Variants in CCDC102B observed in about 807,000 individuals in gnomAD.
CCDC102B encodes coiled-coil domain-containing protein 102B.
A neutral mutation model predicts 57.4 loss-of-function variants in CCDC102B; 75 were observed. The ratio of observed to expected loss-of-function variants is 1.31; its 90% confidence interval spans 1.08 to 1.58. The LOEUF (loss-of-function observed/expected upper bound fraction) is 1.58, where lower values mean the gene tolerates loss of function less well. Among genes scored for constraint, CCDC102B ranks in the 40% most tolerant of loss-of-function variants. CCDC102B has a pLI of 0.00. For synonymous variants in CCDC102B, 206 were observed against 201.9 expected, an observed-to-expected ratio of 1.02 and a Z score of -0.17; for missense variants, 636 against 582.6, an observed-to-expected ratio of 1.09 and a Z score of -0.94.
chr18:69,020,211 A>C (rs543633516), intron 7 of CCDC102B, among the ~76,000 whole-genome samples: 8 of 152,276 alleles, frequency 5.3e-5, no homozygotes, highest in African/African-American at 1.9e-4. Flanking sequence ...TATTATTCAC[A>C]AACAAAACTG....
At chr18:68,806,934 C>G (rs1202748233) in intron 1 of CCDC102B, among the ~76,000 whole-genome samples, 1 of 152,130 alleles carries the variant, frequency 6.6e-6, no homozygotes, top group Non-Finnish European at 1.5e-5. Context: ...TGATAGGTGA[C>G]TACCATTTAA....
intron 6 of CCDC102B, among the ~76,000 whole-genome samples, chr18:68,981,839 T>C (rs1199366778): frequency 2.0e-5 from 3 of 151,746 alleles, no homozygotes; most frequent in African/African-American, 4.8e-5. Flanking sequence ...CAACAGGCGG[T>C]GTTGGGTTTT....
At chr18:68,952,236 A>G (rs763063585) in intron 6 of CCDC102B, among the ~76,000 whole-genome samples, 10 of 152,042 alleles carry the variant, frequency 6.6e-5, no homozygotes, top group Non-Finnish European at 1.2e-4. Context: ...TTCAAATTAT[A>G]TAAATTTAAA....
chr18:68,978,936 A>G (rs73467643), intron 6 of CCDC102B, among the ~76,000 whole-genome samples: 7,044 of 152,128 alleles, frequency 0.046, 234 homozygotes, highest in East Asian at 0.12. Context: ...TCCACCTCAG[A>G]TATATAATGT....
chr18:69,040,761 ATC>A (rs1245295372), intron 7 of CCDC102B, among the ~76,000 whole-genome samples: 2 of 152,064 alleles, frequency 1.3e-5, no homozygotes, highest in African/African-American at 2.4e-5. Context: ...GACAAAATTA[ATC>A]TCTGTGTTTT....
At chr18:68,794,558 T>C (rs1418951042), upstream of CCDC102B, among the ~76,000 whole-genome samples, 3 of 152,056 alleles carry the variant, frequency 2.0e-5, no homozygotes, top group African/African-American at 7.2e-5. Flanking sequence ...ATATGTAGAA[T>C]GAAACTGGAA....
intron 6 of CCDC102B, among the ~76,000 whole-genome samples, chr18:68,941,221 G>A (rs1367721182): frequency 7.4e-5 from 11 of 148,802 alleles, no homozygotes; most frequent in Non-Finnish European, 3.0e-5. Context: ...AAAGAGGTGG[G>A]GAAAATGAAA....
At chr18:68,905,795 T>A (rs1161327369) in intron 6 of CCDC102B, among the ~76,000 whole-genome samples, 1 of 128,838 alleles carries the variant, frequency 7.8e-6, no homozygotes, top group Non-Finnish European at 1.6e-5. Context: ...TTTTTTTTTT[T>A]TTTTTTTTTT....
intron 7 of CCDC102B, among the ~76,000 whole-genome samples, chr18:69,053,167 T>C (rs1459982147): frequency 6.6e-6 from 1 of 151,768 alleles, no homozygotes; most frequent in Non-Finnish European, 1.5e-5. Flanking sequence ...AGTGCTATAA[T>C]AGAGAGGACA....
At chr18:68,879,904 C>G (rs993535291) in intron 5 of CCDC102B, among the ~76,000 whole-genome samples, 1 of 152,234 alleles carries the variant, frequency 6.6e-6, no homozygotes, top group African/African-American at 2.4e-5. Context: ...TCCACGTCCC[C>G]ACCAGACTCA....
intron 2 of CCDC102B, among the ~76,000 whole-genome samples, chr18:68,786,340 GTAGTTTTTTCCAA>G (rs1384341488): frequency 7.0e-6 from 1 of 143,512 alleles, no homozygotes; most frequent in African/African-American, 2.6e-5. Context: ...GAACTTTAAA[GTAGTTTTTTCCAA>G]TTCTGTGAAG....
intron 6 of CCDC102B, among the ~76,000 whole-genome samples, chr18:68,932,684 T>G (rs2041715869): frequency 6.6e-6 from 1 of 151,962 alleles, no homozygotes; most frequent in Non-Finnish European, 1.5e-5. Flanking sequence ...GAGAAGATAC[T>G]AAACAAAACA....
intron 1 of CCDC102B, among the ~76,000 whole-genome samples, chr18:68,835,111 A>G (rs1418061357): frequency 1.3e-5 from 2 of 152,156 alleles, no homozygotes; most frequent in African/African-American, 2.4e-5. Context: ...TCTACTTACT[A>G]TATTCTCAAT....
chr18:68,788,955 C>T (rs1466874209), intron 2 of CCDC102B, among the ~76,000 whole-genome samples: 1 of 152,192 alleles, frequency 6.6e-6, no homozygotes, highest in African/African-American at 2.4e-5. Context: ...CATGATTTTG[C>T]AGCGGCTGGT....
At chr18:69,004,046 GAGTACAATATCGTGGGTTC>G (rs1241300706) in intron 6 of CCDC102B, among the ~76,000 whole-genome samples, 1 of 152,154 alleles carries the variant, frequency 6.6e-6, no homozygotes, top group African/African-American at 2.4e-5. Flanking sequence ...CTGAATTACA[GAGTACAATATCGTGGGTTC>G]ACACAGTTTT....
At chr18:68,823,427 T>TACCACATTTCTTTATCCAATCC (rs1406164600) in intron 1 of CCDC102B, 5 of 152,222 alleles carry the variant, frequency 3.3e-5, no homozygotes, top group Non-Finnish European at 7.3e-5. Flanking sequence ...GTAACTTATG[T>TACCACATTTCTTTATCCAATCC]ACCACATTTC....
At chr18:68,961,180 G>C (rs2050039241) in intron 6 of CCDC102B, among the ~76,000 whole-genome samples, 2 of 151,990 alleles carry the variant, frequency 1.3e-5, no homozygotes, top group Non-Finnish European at 1.5e-5. Context: ...CATTTTCAGA[G>C]TATTAGCTTT....
At chr18:69,017,001 G>A (rs957920909) in intron 7 of CCDC102B, among the ~76,000 whole-genome samples, 1 of 152,076 alleles carries the variant, frequency 6.6e-6, no homozygotes, top group Non-Finnish European at 1.5e-5. Context: ...TGAAAGTAAA[G>A]TAAACCTCAA....
At chr18:68,731,869 C>T (rs1163810559) in intron 2 of CCDC102B, among the ~76,000 whole-genome samples, 1 of 142,924 alleles carries the variant, frequency 7.0e-6, no homozygotes. Flanking sequence ...GAAAATTGTA[C>T]GAATTAGTGC....
Sources: gnomAD v4.1 joint callset for allele counts (sites outside exome capture counted in the v4.1 genomes callset) on GRCh38, gnomAD v4.1.1 for gene constraint, MANE v1.5 for transcripts, NCBI Gene and HGNC (gene_info 2026-07-23, HGNC 2026-07-21) for gene names.